PDLIM3: variants seen among roughly 807,000 people sequenced by gnomAD.
PDLIM3 encodes the protein PDZ and LIM domain protein 3.
PDLIM3 carries 36 observed loss-of-function variants against 37.3 expected under a neutral mutation model. The ratio of observed to expected loss-of-function variants is 0.97; its 90% CI spans 0.74 to 1.28. The LOEUF is 1.28. PDLIM3 is among the 50% of genes most tolerant of loss of function. PDLIM3 has a pLI of 0.00. For missense variants in PDLIM3, 454 were observed against 485.0 expected, an observed-to-expected ratio of 0.94 and a Z score of 0.60; for synonymous variants, 174 against 182.4, an observed-to-expected ratio of 0.95 and a Z score of 0.37.
intron 6 of PDLIM3, among the ~76,000 whole-genome samples, chr4:185,505,073 T>C (rs1369205103): frequency 6.6e-6 from 1 of 152,236 alleles, no homozygotes; most frequent in African/African-American, 2.4e-5. Context: ...TTCATTCTAC[T>C]TTCTGTCTCT....
chr4:185,527,545 G>A (rs940085738), intron 1 of PDLIM3, among the ~76,000 whole-genome samples: 1 of 152,022 alleles, frequency 6.6e-6, no homozygotes, highest in Non-Finnish European at 1.5e-5. Context: ...AGACAACTGG[G>A]GATTATTATA....
intron 4 of PDLIM3, among the ~76,000 whole-genome samples, chr4:185,510,655 G>GA (rs549467578): frequency 3.1e-4 from 47 of 151,680 alleles, no homozygotes; most frequent in East Asian, 1.9e-3. Flanking sequence ...ATATTTATTG[G>GA]AAAAAAAATC....
chr4:185,513,931 C>T, intron 4 of PDLIM3: 1 of 1,208,100 alleles, frequency 8.3e-7, no homozygotes, highest in Non-Finnish European at 1.0e-6. Context: ...CTCCTGCTGG[C>T]AGGGCTTTCC....
At chr4:185,512,671 CA>C (rs1419841313) in intron 4 of PDLIM3, 1 of 985,130 alleles carries the variant, frequency 1.0e-6, no homozygotes, top group Non-Finnish European at 1.2e-6. Context: ...TCACTTTATT[CA>C]AGCCTTCTGA....
rs559583235 is a variant in PDLIM3 at position 185,531,282 on chromosome 4, A to G, written c.93+4060T>C. Among the ~76,000 whole-genome samples the G allele has an allele frequency of 8.7e-5, 3 of 34,288 alleles. No homozygotes were observed. In the East Asian group the frequency reaches 2.7e-3, roughly 30 times the overall value. 22.5% of individuals were successfully genotyped at this position (34,288 alleles called of 152,430 possible). On this transcript the variant is annotated intron_variant, in intron 1 of 7. Coordinates refer to ENST00000284767, the MANE Select transcript of PDLIM3 (RefSeq NM_014476.6). ...CTTCTGTGAAATGCTTAGGCCAGTT[A>G]TACACGGTGTTTAACAACTCCCTCC... is the stretch of plus-strand genomic sequence containing the variant.
chr4:185,511,015 G>A (rs1327145448), intron 4 of PDLIM3, among the ~76,000 whole-genome samples: 1 of 152,204 alleles, frequency 6.6e-6, no homozygotes, highest in Non-Finnish European at 1.5e-5. Context: ...TTGACTTAGT[G>A]ACTTGGCAAG....
At chr4:185,522,336 T>C (rs2095724349) in intron 3 of PDLIM3, among the ~76,000 whole-genome samples, 1 of 66,136 alleles carries the variant, frequency 1.5e-5, no homozygotes, top group Non-Finnish European at 6.2e-5. Flanking sequence ...CCAACTTCTC[T>C]GCTTGTATTA....
chr4:185,520,456 C>T (rs777143231), intron 3 of PDLIM3, among the ~76,000 whole-genome samples: 10 of 152,068 alleles, frequency 6.6e-5, no homozygotes, highest in Non-Finnish European at 1.3e-4. Context: ...ACAATTTAAT[C>T]TCCTTTTTCT....
intron 7 of PDLIM3, among the ~76,000 whole-genome samples, 199 bp from the exon 8 acceptor site, chr4:185,502,682 G>A (rs772305583): frequency 6.6e-6 from 1 of 152,122 alleles, no homozygotes; most frequent in Non-Finnish European, 1.5e-5. Context: ...AAACCATCCC[G>A]TGTTTCTCTC....
rs561804187 is a variant in PDLIM3 at position 185,532,301 on chromosome 4, A to ATTAGAAGGTT, written c.93+3040_93+3041insAACCTTCTAA. On this transcript the variant is annotated intron_variant, in intron 1 of 7. Transcript: ENST00000284767. ...CTACTAGGCACTGTGCTAGGCCCTGAATGGCCCCCAGATTAGAAGGTTTCT... is the reference window on the plus strand; with the variant it reads ...CTACTAGGCACTGTGCTAGGCCCTGATTAGAAGGTTATGGCCCCCAGATTAGAAGGTTTCT... 8.5e-5 allele frequency among the ~76,000 whole-genome samples: 13 copies of ATTAGAAGGTT among 152,364 alleles called. No individual in the cohort carries two copies. In the South Asian group the frequency reaches 2.7e-3, roughly 32 times the overall value.
intron 4 of PDLIM3, among the ~76,000 whole-genome samples, chr4:185,511,731 C>T (rs2095706890): frequency 6.6e-6 from 1 of 152,102 alleles, no homozygotes; most frequent in African/African-American, 2.4e-5. Flanking sequence ...CTATAGTTAA[C>T]AACAATTATT....
chr4:185,519,034 G>A (rs144600861), intron 3 of PDLIM3, among the ~76,000 whole-genome samples: 1,867 of 152,202 alleles, frequency 0.012, 23 homozygotes, highest in Middle Eastern at 0.037. Flanking sequence ...TGTAAGCTTT[G>A]AAAAAGGACA....
intron 1 of PDLIM3, among the ~76,000 whole-genome samples, chr4:185,531,666 A>C (rs2153339659): frequency 6.6e-6 from 1 of 152,268 alleles, no homozygotes; most frequent in Admixed American, 6.5e-5. Flanking sequence ...CGGGGAGTGA[A>C]GGGTATAGCT....
Position 185,502,197 on chromosome 4 carries a change from T to C in PDLIM3, c.*97A>G. ...AAAGCCTTGACTTTAGATTTGGAGTTGACAATCTGCACAATCCTTCTGCCC... is the reference window on the plus strand; with the variant it reads ...AAAGCCTTGACTTTAGATTTGGAGTCGACAATCTGCACAATCCTTCTGCCC... On this transcript the variant is annotated 3_prime_UTR_variant, in exon 8 of 8. Transcript: ENST00000284767. The C allele has an allele frequency of 7.9e-7, 1 of 1,260,224 alleles. No homozygotes were observed. The highest frequency in any genetic ancestry group is 1.2e-5 in the South Asian group (1 of 83,356). The allele number at this position is 1,260,224 out of a possible 1,614,324, so 78.1% of individuals were successfully genotyped here. A position where few individuals can be genotyped will look rare whatever the true frequency, so the allele number is the denominator to read the frequency against.
At chr4:185,506,733 A>G (rs758881233) in intron 5 of PDLIM3, 81 bp from the exon 6 acceptor site, 16 of 1,360,740 alleles carry the variant, frequency 1.2e-5, no homozygotes, top group Non-Finnish European at 1.7e-5. Context: ...ATCAATACTC[A>G]GCCATTACTC....
chr4:185,509,705 G>A (rs1180869717), intron 4 of PDLIM3, among the ~76,000 whole-genome samples: 1 of 152,180 alleles, frequency 6.6e-6, no homozygotes, highest in Non-Finnish European at 1.5e-5. Flanking sequence ...TCAAGACAGA[G>A]AATGGATGTA....
Position 185,504,769 on chromosome 4 carries a change from G to A in PDLIM3, c.794-183C>T, listed in dbSNP as rs1333238628. Among the ~76,000 whole-genome samples the A allele has an allele frequency of 1.3e-5, 2 of 152,244 alleles. No homozygotes were observed. Among genetic ancestry groups the A allele is most frequent in the Non-Finnish European group, 2.9e-5 (2 of 68,038 alleles). On this transcript the variant is annotated intron_variant, in intron 6 of 7. Coordinates refer to ENST00000284767, the MANE Select transcript of PDLIM3 (RefSeq NM_014476.6). This position sits in a 1 kb window ranked among gnomAD's most constrained non-coding sequence, Gnocchi z 4.7. The stretch of plus-strand genomic sequence containing the variant: ...AATAGGGCATTATAGAATGGAATTA[G>A]TGAAAACATTTATTTTGTTGTGGTT...
Position 185,514,081 on chromosome 4 carries a change from T to C in PDLIM3, c.398+189A>G. 2 of 1,485,638 alleles carry C rather than the reference T, an allele frequency of 1.3e-6. No individual in the cohort carries two copies. The highest frequency in any genetic ancestry group is 1.8e-6 in the Non-Finnish European group (2 of 1,122,350). The allele number at this position is 1,485,638 out of a possible 1,614,324, so 92.0% of individuals were successfully genotyped here. A position where few individuals can be genotyped will look rare whatever the true frequency, so the allele number is the denominator to read the frequency against. ...CACAGCTCTGTCATCTTGTCAATAT[T>C]TACTCTTGGAAATGCAAGTTATTTG... is the stretch of plus-strand genomic sequence containing the variant. On this transcript the variant is annotated intron_variant, in intron 4 of 7. Transcript: ENST00000284767. The surrounding 1 kb of genome is among the most constrained non-coding windows in gnomAD (Gnocchi z 4.0).
At chr4:185,508,980 A>G (rs1042682956) in intron 4 of PDLIM3, among the ~76,000 whole-genome samples, 1 of 152,258 alleles carries the variant, frequency 6.6e-6, no homozygotes, top group Non-Finnish European at 1.5e-5. Context: ...ATCCTTTTAC[A>G]TTTCTGAAGT....
Sources: gnomAD v4.1 joint callset for allele counts (sites outside exome capture counted in the v4.1 genomes callset) on GRCh38, gnomAD v4.1.1 for gene constraint, Gnocchi (gnomAD v3.1) non-coding constraint, MANE v1.5 for transcripts, NCBI Gene and HGNC (gene_info 2026-07-23, HGNC 2026-07-21) for gene names.